Variants in MAPK8IP2 observed in about 807,000 individuals in gnomAD.
MAPK8IP2 encodes mitogen-activated protein kinase 8 interacting protein 2, also known as C-Jun-amino-terminal kinase-interacting protein 2.
A neutral mutation model predicts 75.6 loss-of-function variants in MAPK8IP2; 15 were observed. That is an observed-to-expected ratio of 0.20 (90% confidence interval 0.13 to 0.31). The LOEUF is 0.31. Ranked by LOEUF, MAPK8IP2 falls within the 10% of genes least tolerant of loss-of-function variation. The pLI, the probability that MAPK8IP2 is intolerant of heterozygous loss-of-function variation, is 1.00. For missense variants in MAPK8IP2, 1,089 were observed against 1,211.2 expected (o/e 0.90, Z 1.50); for synonymous variants, 632 against 554.5 (o/e 1.14, Z -1.96).
chr22:50,610,502 C>T lies in MAPK8IP2; in HGVS notation c.2402+192C>T, dbSNP rs879557948. Among the ~76,000 whole-genome samples the T allele has an allele frequency of 7.2e-5, 11 of 151,956 alleles. No homozygotes were observed. Among genetic ancestry groups the T allele is most frequent in the Admixed American group, 4.6e-4 (7 of 15,264 alleles). ...CATGGGGTGGGAACAGGCACAGACA[C>T]ATGGCCCAGGCACTCTGGCAGGGGT... On this transcript the variant is annotated intron_variant, in intron 11 of 11. Coordinates refer to ENST00000329492, the MANE Select transcript of MAPK8IP2 (RefSeq NM_012324.6). The surrounding 1 kb of genome is among the most constrained non-coding windows in gnomAD (Gnocchi z 4.3).
Position 50,604,257 on chromosome 22 carries a change from C to A in MAPK8IP2, c.958C>A (p.Leu320Met), listed in dbSNP as rs866393551. The change falls in exon 5 of 12, where the codon CTG becomes ATG. Residue 320 changes from leucine to methionine, a missense_variant. Around this residue, in one of 2 missense-constraint regions of MAPK8IP2, gnomAD observed 960 missense variants for 1,009.6 expected, o/e 0.95. Coordinates refer to ENST00000329492, the MANE Select transcript of MAPK8IP2 (RefSeq NM_012324.6). ...PREPPRRPAF[L>M]PVGPDDTNSE... ...CGAACCCCCGCGCCGCCCCGCCTTC[C>A]TGCCCGTGGGCCCCGACGACACCAA... The A allele has an allele frequency of 6.4e-7, 1 of 1,567,734 alleles. No homozygotes were observed. The highest frequency in any genetic ancestry group is 2.3e-5 in the East Asian group (1 of 42,946).
intron 10 of MAPK8IP2, among the ~76,000 whole-genome samples, chr22:50,608,177 C>CGGA (rs137942823): frequency 0.057 from 8,657 of 152,238 alleles, 339 homozygotes; most frequent in African/African-American, 0.11. Context: ...CTGGAAGGTG[C>CGGA]GGAGCCCTTT....
intron 1 of MAPK8IP2, chr22:50,601,549 G>C: frequency 2.1e-6 from 1 of 485,166 alleles, no homozygotes; most frequent in South Asian, 2.5e-5. Context: ...CCAGGGAGGC[G>C]GGGTGGGAGG....
In MAPK8IP2 at chr22:50,610,116, A is replaced by T. The variant is rs545038041; in HGVS notation, c.2304-96A>T. On this transcript the variant is annotated intron_variant, in intron 10 of 11. Transcript: ENST00000329492. The surrounding 1 kb of genome is among the most constrained non-coding windows in gnomAD (Gnocchi z 4.3). ...ACTCCTGTCCCTTACCCTCTCCCCA[A>T]GCCCTTTGTTCCTGCCTCTTCTCTC... The T allele has an allele frequency of 1.2e-6, 1 of 866,882 alleles. No homozygotes were observed. Among genetic ancestry groups the T allele is most frequent in the African/African-American group, 1.7e-5 (1 of 60,038 alleles). The allele number at this position is 866,882 out of a possible 1,614,324, so 53.7% of individuals were successfully genotyped here.
chr22:50,602,991 C>A, intron 2 of MAPK8IP2: 1 of 810,864 alleles, frequency 1.2e-6, no homozygotes, highest in Non-Finnish European at 1.8e-6. Context: ...TGGGGCTGCT[C>A]TGAGAATCCC....
In MAPK8IP2 at chr22:50,601,447, T is replaced by G. The variant is rs1053147917; in HGVS notation, c.66-342T>G. 4 of 257,542 alleles carry G rather than the reference T, an allele frequency of 1.6e-5. No individual in the cohort carries two copies. In the East Asian group the frequency reaches 2.4e-4, roughly 15 times the overall value. 16.0% of individuals were successfully genotyped at this position (257,542 alleles called of 1,614,324 possible). A position where few individuals can be genotyped will look rare whatever the true frequency, so the allele number is the denominator to read the frequency against. On this transcript the variant is annotated intron_variant, in intron 1 of 11. Coordinates refer to ENST00000329492, the MANE Select transcript of MAPK8IP2 (RefSeq NM_012324.6). The stretch of plus-strand genomic sequence containing the variant: ...GGAGCGACCCCTCCCCATCTGCCGC[T>G]GCCGCGTTGCAGCTCCCCCTCCCCT...
intron 8 of MAPK8IP2, 49 bp downstream of exon 8, chr22:50,605,983 C>A: frequency 1.4e-6 from 2 of 1,391,750 alleles, no homozygotes; most frequent in Non-Finnish European, 2.0e-6. Context: ...GCTTGGCGGC[C>A]ACACCAGCAC....
intron 2 of MAPK8IP2, among the ~76,000 whole-genome samples, chr22:50,602,617 T>C (rs771145213): frequency 2.0e-5 from 3 of 152,152 alleles, no homozygotes; most frequent in Non-Finnish European, 2.9e-5. Flanking sequence ...GCCCTGAGGT[T>C]AGCAGAGCCA....
In MAPK8IP2 at chr22:50,604,793, G is replaced by T; in HGVS notation, c.1494G>T (p.Ala498=). The T allele has an allele frequency of 6.5e-7, 1 of 1,547,532 alleles. No individual in the cohort carries two copies. ...GGGGCAGGGGCACGGGCCCCTCGGCGCCGCGGGACGCGTCGCTGGTGTACG... is the reference window on the plus strand; with the variant it reads ...GGGGCAGGGGCACGGGCCCCTCGGCTCCGCGGGACGCGTCGCTGGTGTACG... The part of the protein sequence containing the change: ...SPGGRGTGPS[A]PRDASLVYDA... The change falls in exon 5 of 12, where the codon GCG becomes GCT. Residue 498 remains alanine (A), a synonymous_variant. Coordinates refer to ENST00000329492, the MANE Select transcript of MAPK8IP2 (RefSeq NM_012324.6).
Position 50,610,376 on chromosome 22 carries a change from G to A in MAPK8IP2, c.2402+66G>A. Reference sequence around the variant, plus strand: ...GGTTACGGAGGTGGGGAGCGGAGGTGAGCAGGTGGGGGCAGGAGCCTGGCA... The same window carrying A: ...GGTTACGGAGGTGGGGAGCGGAGGTAAGCAGGTGGGGGCAGGAGCCTGGCA... On this transcript the variant is annotated intron_variant, in intron 11 of 11. Transcript: ENST00000329492. The surrounding 1 kb of genome is among the most constrained non-coding windows in gnomAD (Gnocchi z 4.3). The A allele has an allele frequency of 1.5e-6, 2 of 1,353,104 alleles. No individual in the cohort carries two copies. The highest frequency in any genetic ancestry group is 2.1e-6 in the Non-Finnish European group (2 of 970,066). 83.8% of individuals were successfully genotyped at this position (1,353,104 alleles called of 1,614,324 possible).
chr22:50,608,499 G>C (rs112286121), intron 10 of MAPK8IP2, among the ~76,000 whole-genome samples: 2 of 139,644 alleles, frequency 1.4e-5, no homozygotes, highest in African/African-American at 5.4e-5. Context: ...ACAGCGGGCA[G>C]GGGCGCAGAC....
chr22:50,609,971 GACGC>G (rs1256040118), intron 10 of MAPK8IP2: 6 of 694,034 alleles, frequency 8.6e-6, no homozygotes, highest in Non-Finnish European at 1.6e-5. Flanking sequence ...AGGGAGAGTG[GACGC>G]CCCTGGTCAT....
intron 2 of MAPK8IP2, among the ~76,000 whole-genome samples, chr22:50,602,715 G>T (rs1310461210): frequency 2.0e-5 from 3 of 152,210 alleles, no homozygotes; most frequent in Non-Finnish European, 4.4e-5. Context: ...TTGGCGCAAA[G>T]TTGGTGAATC....
intron 1 of MAPK8IP2, 35 bp from the exon 2 acceptor site, chr22:50,601,754 G>A: frequency 1.3e-6 from 2 of 1,558,970 alleles, no homozygotes; most frequent in East Asian, 2.2e-5. Flanking sequence ...GGGAGTCCAG[G>A]GTTGGTGGCT....
intron 9 of MAPK8IP2, 25 bp downstream of exon 9, chr22:50,606,790 C>T (rs753249492): frequency 1.6e-5 from 25 of 1,560,838 alleles, no homozygotes; most frequent in Middle Eastern, 1.7e-4. Context: ...GACTGGGGAC[C>T]GGGGACTGGG....
Position 50,605,350 on chromosome 22 carries a change from T to C in MAPK8IP2, c.1766-18T>C, listed in dbSNP as rs1311044566. The stretch of plus-strand genomic sequence containing the variant: ...TGTCTCCCTGTCTCCCCCGCCTCTG[T>C]CCTGCCGGGTCTCCCAGGCACCGAG... On this transcript the variant is annotated intron_variant, in intron 5 of 11. Transcript: ENST00000329492. 3 of 1,611,116 alleles carry C rather than the reference T, an allele frequency of 1.9e-6. No homozygotes were observed.
chr22:50,603,755 G>A, intron 4 of MAPK8IP2, 36 bp downstream of exon 4: 2 of 1,540,652 alleles, frequency 1.3e-6, no homozygotes, highest in Non-Finnish European at 1.8e-6. Flanking sequence ...GCGGGGAAGC[G>A]GGGGAGGAGG....
rs779817694 is a variant in MAPK8IP2 at position 50,604,103 on chromosome 22, C to T, written c.804C>T (p.Ile268=). 1.7e-5 allele frequency: 27 copies of T among 1,551,290 alleles called. No homozygotes were observed. Among genetic ancestry groups the T allele is most frequent in the Non-Finnish European group, 1.7e-6 (2 of 1,157,290 alleles). ...DAGGARLGRM[I]SSISETELEL... is the part of the protein sequence containing the mutation. ...GCGGCGCGCGCCTGGGGCGCATGAT[C>T]TCGTCCATCTCGGAGACGGAGCTGG... The change falls in exon 5 of 12, where the codon ATC becomes ATT. Residue 268 remains isoleucine, a synonymous_variant. Coordinates refer to ENST00000329492, the MANE Select transcript of MAPK8IP2 (RefSeq NM_012324.6).
rs769477411 is a variant in MAPK8IP2 at position 50,604,164 on chromosome 22, C to T, written c.865C>T (p.Arg289Cys). 4.5e-6 allele frequency: 7 copies of T among 1,550,134 alleles called. No homozygotes were observed. The highest frequency in any genetic ancestry group is 2.1e-4 in the Middle Eastern group (1 of 4,758). Residue 289 changes from arginine to cysteine, a missense_variant, in exon 5 of 12, where the codon CGC becomes TGC. Physicochemically the swap from Arg to Cys is radical, Grantham distance 180. Around this residue, in one of 2 missense-constraint regions of MAPK8IP2, gnomAD observed 960 missense variants for 1,009.6 expected, o/e 0.95. Transcript: ENST00000329492. The part of the protein sequence containing the change: ...SSDGGSSSSG[R>C]SSHLTNSIEE... ...CGATGGCGGAAGCAGCAGCAGCGGCCGCTCCTCGCACCTCACCAACTCCAT... is the reference window on the plus strand; with the variant it reads ...CGATGGCGGAAGCAGCAGCAGCGGCTGCTCCTCGCACCTCACCAACTCCAT...
Sources: allele counts gnomAD v4.1 joint callset (sites outside exome capture counted in the v4.1 genomes callset), GRCh38; gene constraint gnomAD v4.1.1; regional missense constraint gnomAD v4.1.1; non-coding constraint Gnocchi (gnomAD v3.1); transcripts MANE v1.5; gene names NCBI Gene and HGNC (gene_info 2026-07-23, HGNC 2026-07-21).